Variants in SPAG17 observed in about 807,000 individuals in gnomAD.
The protein encoded by SPAG17 is sperm-associated antigen 17.
In SPAG17, 169 loss-of-function variants were observed where a neutral mutation model predicts 273.6. The observed-to-expected ratio is 0.62, with a 90% CI of 0.55 to 0.70. The LOEUF is 0.70. Ranked by LOEUF, SPAG17 falls within the 30% of genes least tolerant of loss-of-function variation. The pLI is 0.00. For synonymous variants in SPAG17, 825 were observed against 873.2 expected (o/e 0.94, Z 0.97); for missense variants, 2,557 against 2,627.8 (o/e 0.97, Z 0.59).
intron 5 of SPAG17, among the ~76,000 whole-genome samples, chr1:118,100,507 T>C (rs958186803): frequency 6.6e-6 from 1 of 152,192 alleles, no homozygotes. Context: ...AAAAAAGCAC[T>C]ACATTTCACA....
At chr1:118,089,482 A>G (rs1273192599) in intron 10 of SPAG17, among the ~76,000 whole-genome samples, 1 of 152,028 alleles carries the variant, frequency 6.6e-6, no homozygotes, top group African/African-American at 2.4e-5. Context: ...ATTCCCTTAC[A>G]CCATAAGGAC....
chr1:118,107,580 A>T (rs1166824427), intron 4 of SPAG17, among the ~76,000 whole-genome samples: 2 of 152,162 alleles, frequency 1.3e-5, no homozygotes, highest in Non-Finnish European at 2.9e-5. Context: ...GACTGGACTC[A>T]AACTCCTGGG....
chr1:118,124,121 G>A (rs1303655044), intron 3 of SPAG17, among the ~76,000 whole-genome samples: 1 of 152,206 alleles, frequency 6.6e-6, no homozygotes, highest in Non-Finnish European at 1.5e-5. Context: ...ATGTGATAAC[G>A]TATGGAAGAA....
chr1:117,965,803 A>G (rs1236393185), intron 47 of SPAG17: 1 of 152,232 alleles, frequency 6.6e-6, no homozygotes, highest in Non-Finnish European at 1.5e-5. Context: ...AATTCAAGCC[A>G]AGGATTTAAG....
At chr1:118,180,195 G>A (rs2102409326) in intron 1 of SPAG17, among the ~76,000 whole-genome samples, 1 of 152,098 alleles carries the variant, frequency 6.6e-6, no homozygotes, top group Middle Eastern at 3.4e-3. Context: ...ATCAATCTAA[G>A]TTCCCATCAA....
At chr1:117,990,802 T>C in intron 38 of SPAG17, 59 bp downstream of exon 38, 1 of 1,144,786 alleles carries the variant, frequency 8.7e-7, no homozygotes, top group Non-Finnish European at 1.3e-6. Flanking sequence ...TAAGTGTATT[T>C]AAGATGATTC....
intron 24 of SPAG17, among the ~76,000 whole-genome samples, chr1:118,036,230 G>A (rs1001387140): frequency 6.6e-6 from 1 of 151,504 alleles, no homozygotes; most frequent in Non-Finnish European, 1.5e-5. Context: ...AAGGAAAGAA[G>A]GAAGGAAGGA....
At chr1:118,134,994 T>TA (rs1187715656) in intron 3 of SPAG17, among the ~76,000 whole-genome samples, 2 of 152,226 alleles carry the variant, frequency 1.3e-5, no homozygotes, top group African/African-American at 4.8e-5. Flanking sequence ...TTCATTTCCC[T>TA]ATCTGTTTTT....
chr1:117,954,449 C>T, intron 48 of SPAG17: 1 of 817,446 alleles, frequency 1.2e-6, no homozygotes, highest in South Asian at 1.9e-5. Flanking sequence ...AATTCTTTTA[C>T]ACTCTGTCAG....
At position 118,039,285 on chromosome 1, in the gene SPAG17, A is replaced by T. The variant is rs1439446929; in HGVS notation, c.3319+7T>A. 2 of 1,611,602 alleles carry T rather than the reference A, an allele frequency of 1.2e-6. No homozygotes were observed. The highest frequency in any genetic ancestry group is 2.7e-5 in the African/African-American group (2 of 74,636). On this transcript the variant is annotated splice_region_variant and intron_variant, in intron 23 of 48. Transcript: ENST00000336338. ...CAGAAGAAAGAAACCACTAAACAGC[A>T]GCTTACCCGTTTCAAGACTTTGTTC... is the stretch of plus-strand genomic sequence containing the variant.
intron 15 of SPAG17, among the ~76,000 whole-genome samples, chr1:118,078,622 T>G (rs1229516856): frequency 6.6e-6 from 1 of 152,110 alleles, no homozygotes; most frequent in Non-Finnish European, 1.5e-5. Context: ...GATGCAATAT[T>G]GAATACAAGT....
rs180944740 is a variant in SPAG17 at position 118,061,962 on chromosome 1, T to C, written c.2540+4783A>G. The stretch of plus-strand genomic sequence containing the variant: ...TTGAAATCAATCTAAAAATATGTAC[T>C]AAATTCTCAACCAAGAGGAAAATAC... On this transcript the variant is annotated intron_variant, in intron 18 of 48. Transcript: ENST00000336338. Among the ~76,000 whole-genome samples the C allele has an allele frequency of 7.9e-5, 12 of 152,264 alleles. No homozygotes were observed. In the East Asian group the frequency reaches 2.1e-3, roughly 27 times the overall value.
rs189594524 is a variant in SPAG17 at position 118,057,939 on chromosome 1, C to A, written c.2541-2025G>T. Among the ~76,000 whole-genome samples the A allele has an allele frequency of 4.2e-3, 640 of 151,474 alleles. 4 individuals carry two copies. The highest frequency in any genetic ancestry group is 0.015 in the African/African-American group (609 of 41,360). ...TTAAAAGGGTAAGTATAACCTCTAG[C>A]AGAATATGAATAGAATGTATAACTT... On this transcript the variant is annotated intron_variant, in intron 18 of 48. Transcript: ENST00000336338.
rs142723614 is a variant in SPAG17, at chr1:118,086,886, T to C, written c.1482A>G (p.Ser494=). Residue 494 remains serine, a synonymous_variant, in exon 11 of 49, where the codon TCA becomes TCG. Transcript: ENST00000336338. The part of the protein sequence containing the change: ...IVSLLPSLCL[S]EREKKNLHDI... ...GCTATCTGACCTTTTTCTCCCTCTC[T>C]GAGAGACAGAGTGAGGGCAGAAGGG... is the stretch of plus-strand genomic sequence containing the variant. 1.2e-6 allele frequency: 2 copies of C among 1,614,140 alleles called. No individual in the cohort carries two copies. Among genetic ancestry groups the C allele is most frequent in the African/African-American group, 1.3e-5 (1 of 75,044 alleles).
At chr1:118,148,386 G>A (rs577730978) in intron 3 of SPAG17, among the ~76,000 whole-genome samples, 6 of 152,108 alleles carry the variant, frequency 3.9e-5, no homozygotes, top group Non-Finnish European at 8.8e-5. Flanking sequence ...ACTCGGCAAG[G>A]GTACACGAAC....
chr1:117,956,612 A>C (rs907283019), intron 48 of SPAG17, among the ~76,000 whole-genome samples: 4 of 152,228 alleles, frequency 2.6e-5, no homozygotes, highest in African/African-American at 9.6e-5. Flanking sequence ...TTGATGAAAT[A>C]ATAATACTTG....
rs1247506955 is a variant in SPAG17 at position 117,971,920 on chromosome 1, T to TC, written c.6268dup (p.Glu2090GlyfsTer22). 4 of 1,614,040 alleles carry TC rather than the reference T, an allele frequency of 2.5e-6. No individual in the cohort carries two copies. The highest frequency in any genetic ancestry group is 3.4e-6 in the Non-Finnish European group (4 of 1,180,000). ...TACAACTGTGGCATAGGTATGTCCT[T>TC]CCTTAAGCACTCCAAACTTGACTGA... On this transcript the variant is annotated frameshift_variant, in exon 45 of 49. Transcript: ENST00000336338. LOFTEE classifies it high-confidence loss of function.
At chr1:117,980,702 T>A (rs1655697082) in intron 43 of SPAG17, among the ~76,000 whole-genome samples, 1 of 152,232 alleles carries the variant, frequency 6.6e-6, no homozygotes, top group Non-Finnish European at 1.5e-5. Flanking sequence ...ATCTCTCTTT[T>A]GTGATCAACT....
intron 38 of SPAG17, among the ~76,000 whole-genome samples, chr1:117,990,494 T>C (rs1315962740): frequency 6.6e-6 from 1 of 152,146 alleles, no homozygotes; most frequent in African/African-American, 2.4e-5. Flanking sequence ...GTTATAACAG[T>C]GTAGTTGCTC....
Sources: gnomAD v4.1 joint callset for allele counts (sites outside exome capture counted in the v4.1 genomes callset) on GRCh38, gnomAD v4.1.1 for gene constraint, MANE v1.5 for transcripts, NCBI Gene and HGNC (gene_info 2026-07-23, HGNC 2026-07-21) for gene names.